PCDH15: variants seen among roughly 807,000 people sequenced by gnomAD.
The protein encoded by PCDH15 is protocadherin-15.
Under a neutral mutation model 178.5 loss-of-function variants are expected in PCDH15, and 129 were observed. The ratio of observed to expected loss-of-function variants is 0.72; its 90% CI spans 0.63 to 0.84. PCDH15 has a LOEUF of 0.84. PCDH15 is among the 40% of genes least tolerant of loss of function. PCDH15 has a pLI of 0.00. For synonymous variants in PCDH15, 800 were observed against 732.0 expected (o/e 1.09, Z -1.50); for missense variants, 2,230 against 2,099.9 (o/e 1.06, Z -1.21).
intron 2 of PCDH15, among the ~76,000 whole-genome samples, chr10:55,033,064 A>C (rs1339718549): frequency 6.6e-6 from 1 of 152,060 alleles, no homozygotes; most frequent in Non-Finnish European, 1.5e-5. Context: ...AGAGTGCATG[A>C]GCTGTGGAGG....
chr10:54,995,104 C>A (rs1266912587), intron 2 of PCDH15, among the ~76,000 whole-genome samples: 6 of 151,966 alleles, frequency 3.9e-5, no homozygotes, highest in Non-Finnish European at 7.4e-5. Context: ...AGGCCGGGCA[C>A]GGTGGCTCAC....
chr10:55,623,922 A>G (rs1396573971), intron 2 of PCDH15, among the ~76,000 whole-genome samples: 2 of 152,138 alleles, frequency 1.3e-5, no homozygotes, highest in Non-Finnish European at 2.9e-5. Context: ...ATGCATCACA[A>G]TAGTGGCATC....
intron 2 of PCDH15, among the ~76,000 whole-genome samples, chr10:55,530,165 T>A (rs1283009668): frequency 6.6e-6 from 1 of 151,966 alleles, no homozygotes; most frequent in Non-Finnish European, 1.5e-5. Context: ...CTAATTCAAT[T>A]TTTTAAATGT....
intron 13 of PCDH15, among the ~76,000 whole-genome samples, chr10:54,157,045 CTTTG>C (rs1413600894): frequency 1.3e-5 from 2 of 152,178 alleles, no homozygotes; most frequent in Non-Finnish European, 2.9e-5. Context: ...TCCCCCCCAA[CTTTG>C]TTTATGGGCT....
chr10:54,807,929 A>G (rs1952804500), intron 3 of PCDH15, among the ~76,000 whole-genome samples: 1 of 151,520 alleles, frequency 6.6e-6, no homozygotes, highest in African/African-American at 2.4e-5. Context: ...TATCAGCCTA[A>G]TATTTTGCTG....
intron 1 of PCDH15, among the ~76,000 whole-genome samples, chr10:55,299,717 T>C (rs770705868): frequency 5.3e-4 from 80 of 152,158 alleles, no homozygotes; most frequent in Non-Finnish European, 8.4e-4. Context: ...TACTCAGAAT[T>C]GGACCAACCT....
chr10:54,238,541 C>A (rs183177035), intron 8 of PCDH15, among the ~76,000 whole-genome samples: 1 of 151,994 alleles, frequency 6.6e-6, no homozygotes, highest in Admixed American at 6.6e-5. Flanking sequence ...CTATTCTCTC[C>A]TTTAAACGTG....
intron 2 of PCDH15, among the ~76,000 whole-genome samples, chr10:54,656,767 G>T (rs1417441262): frequency 6.6e-6 from 1 of 152,106 alleles, no homozygotes; most frequent in Non-Finnish European, 1.5e-5. Context: ...GCCCTCCAAA[G>T]CCTGCCTTGA....
chr10:53,930,118 A>T (rs766714054), intron 25 of PCDH15, among the ~76,000 whole-genome samples: 22 of 152,134 alleles, frequency 1.4e-4, no homozygotes, highest in Non-Finnish European at 2.6e-4. Flanking sequence ...GAGACTATGG[A>T]TAGGAAGAAA....
At chr10:53,891,127 G>T (rs1250121710) in intron 26 of PCDH15, among the ~76,000 whole-genome samples, 1 of 131,268 alleles carries the variant, frequency 7.6e-6, no homozygotes, top group East Asian at 2.5e-4. Flanking sequence ...GATCTCCTGT[G>T]TCAGGTCAGT....
At position 55,415,861 on chromosome 10, in the gene PCDH15, G is replaced by A. The variant is rs1257353598; in HGVS notation, c.-156+211764C>T. 1.3e-5 allele frequency among the ~76,000 whole-genome samples: 2 copies of A among 151,642 alleles called. 1 individual carries two copies. On this transcript the variant is annotated intron_variant, in intron 2 of 5. Transcript: ENST00000613346. ...TAATTTAATGAGTTGACTGAAAAAT[G>A]TTATTAGGACATTTTGAGGTTGTTC... is the stretch of plus-strand genomic sequence containing the variant.
rs565969477 is a variant in PCDH15, at chr10:54,205,836, TC to T, written c.1098+8099del. On this transcript the variant is annotated intron_variant, in intron 10 of 37. Transcript: ENST00000644397. ...CATACTCAAAAACTTATAAATAAAT[TC>T]AAAAACCTATAAAATTCATGAGATA... is the stretch of plus-strand genomic sequence containing the variant. Among the ~76,000 whole-genome samples the T allele has an allele frequency of 2.1e-3, 321 of 152,104 alleles. 1 individual carries two copies. The highest frequency in any genetic ancestry group is 7.3e-3 in the African/African-American group (302 of 41,506).
chr10:54,910,463 C>T (rs1954798620), intron 2 of PCDH15, among the ~76,000 whole-genome samples: 1 of 152,128 alleles, frequency 6.6e-6, no homozygotes, highest in Non-Finnish European at 1.5e-5. Context: ...TTCTTAGTCT[C>T]ACCACAGAAA....
At chr10:53,857,680 G>T (rs1423173946) in intron 27 of PCDH15, among the ~76,000 whole-genome samples, 1 of 151,928 alleles carries the variant, frequency 6.6e-6, no homozygotes, top group Non-Finnish European at 1.5e-5. Flanking sequence ...TCTGAGATAT[G>T]ACTGGTTAGA....
intron 1 of PCDH15, among the ~76,000 whole-genome samples, chr10:54,666,930 T>G (rs762941070): frequency 2.6e-5 from 4 of 152,006 alleles, no homozygotes; most frequent in Non-Finnish European, 5.9e-5. Context: ...AAAAACAACA[T>G]GATGGATCAT....
intron 2 of PCDH15, among the ~76,000 whole-genome samples, chr10:54,569,871 G>A (rs963282809): frequency 6.6e-5 from 10 of 152,142 alleles, no homozygotes; most frequent in African/African-American, 2.4e-4. Context: ...TTTCTCGTAG[G>A]TGGTGTGACC....
At chr10:53,992,099 C>T (rs532819308) in intron 21 of PCDH15, among the ~76,000 whole-genome samples, 24 of 151,876 alleles carry the variant, frequency 1.6e-4, no homozygotes, top group African/African-American at 5.1e-4. Flanking sequence ...CTGAGGCCAG[C>T]GAGACCATGA....
intron 1 of PCDH15, among the ~76,000 whole-genome samples, chr10:55,236,984 T>C (rs1397128059): frequency 6.6e-6 from 1 of 152,118 alleles, no homozygotes; most frequent in Non-Finnish European, 1.5e-5. Context: ...TGGATCTTAT[T>C]TTGCAACAGT....
At chr10:54,271,942 T>A (rs1006079071) in intron 8 of PCDH15, among the ~76,000 whole-genome samples, 1 of 149,056 alleles carries the variant, frequency 6.7e-6, no homozygotes, top group African/African-American at 2.5e-5. Context: ...ATTATACCAT[T>A]CTCATTAAGA....
Sources: allele counts gnomAD v4.1 joint callset (sites outside exome capture counted in the v4.1 genomes callset), GRCh38; gene constraint gnomAD v4.1.1; transcripts MANE v1.5; gene names NCBI Gene and HGNC (gene_info 2026-07-23, HGNC 2026-07-21).